RFX3: variants seen among roughly 807,000 people sequenced by gnomAD.
RFX3 encodes the protein transcription factor RFX3.
A neutral mutation model predicts 98.6 loss-of-function variants in RFX3; 14 were observed. The ratio of observed to expected loss-of-function variants is 0.14; its 90% CI spans 0.09 to 0.22. RFX3 has a LOEUF of 0.22. Ranked by LOEUF, RFX3 falls within the 10% of genes least tolerant of loss-of-function variation. The pLI is 1.00. For missense variants in RFX3, 639 were observed against 926.9 expected (o/e 0.69, Z 4.03); for synonymous variants, 383 against 328.4 (o/e 1.17, Z -1.80).
intron 1 of RFX3, chr9:3,524,733 T>C (rs1819049942): frequency 7.0e-6 from 3 of 427,716 alleles, no homozygotes; most frequent in Non-Finnish European, 9.4e-6. Flanking sequence ...GGAACCTCAC[T>C]ACTCCCCCTC....
intron 4 of RFX3, among the ~76,000 whole-genome samples, chr9:3,327,044 TACAGATAGGC>T (rs1476308397): frequency 1.3e-5 from 2 of 152,124 alleles, no homozygotes; most frequent in African/African-American, 4.8e-5. Flanking sequence ...ACTTATATGG[TACAGATAGGC>T]TCAATGTTTG....
intron 1 of RFX3, among the ~76,000 whole-genome samples, chr9:3,457,385 A>C (rs1485740777): frequency 6.6e-6 from 1 of 152,126 alleles, no homozygotes; most frequent in African/African-American, 2.4e-5. Flanking sequence ...AGAGCAAAAA[A>C]GTGCTTTCTC....
At chr9:3,288,752 A>T (rs558287584) in intron 6 of RFX3, among the ~76,000 whole-genome samples, 1 of 152,308 alleles carries the variant, frequency 6.6e-6, no homozygotes, top group South Asian at 2.1e-4. Context: ...GTGATGATGA[A>T]GTAAGATAAC....
chr9:3,333,904 C>G (rs1056501797), intron 3 of RFX3, among the ~76,000 whole-genome samples: 12 of 152,084 alleles, frequency 7.9e-5, no homozygotes, highest in African/African-American at 2.9e-4. Flanking sequence ...ATTCTATGTG[C>G]TTTTTAGGCA....
At chr9:3,445,683 C>T (rs1845984210) in intron 1 of RFX3, among the ~76,000 whole-genome samples, 1 of 152,056 alleles carries the variant, frequency 6.6e-6, no homozygotes, top group Non-Finnish European at 1.5e-5. Flanking sequence ...GGCTTTCGTG[C>T]CTTATAATTC....
chr9:3,395,600 A>G lies in RFX3; in HGVS notation c.-8-4T>C, dbSNP rs773046755. On this transcript the variant is annotated splice_region_variant and splice_polypyrimidine_tract_variant and intron_variant, in intron 1 of 16. Transcript: ENST00000617270. The stretch of plus-strand genomic sequence containing the variant: ...TCTGATGTCTGCATGATGGTCTCTG[A>G]AATAGATTAAAATGAAATTAAAGTT... 6.2e-7 allele frequency: 1 copy of G among 1,611,990 alleles called. No individual in the cohort carries two copies. The highest frequency in any genetic ancestry group is 2.2e-5 in the East Asian group (1 of 44,810).
At chr9:3,410,133 T>A (rs1842327686) in intron 1 of RFX3, among the ~76,000 whole-genome samples, 1 of 147,550 alleles carries the variant, frequency 6.8e-6, no homozygotes, top group South Asian at 2.2e-4. Flanking sequence ...TGTTTCAGGG[T>A]GTTTAACACG....
intron 15 of RFX3, chr9:3,247,116 A>T: frequency 1.0e-6 from 1 of 985,342 alleles, no homozygotes; most frequent in Non-Finnish European, 1.2e-6. Flanking sequence ...CGCCTTGGGT[A>T]ATTTGTCACA....
intron 2 of RFX3, among the ~76,000 whole-genome samples, chr9:3,359,469 C>G (rs1459505220): frequency 6.6e-6 from 1 of 151,992 alleles, no homozygotes; most frequent in South Asian, 2.1e-4. Context: ...TCAGTCAGGT[C>G]CAGGAAGAGA....
chr9:3,301,528 G>A lies in RFX3; in HGVS notation c.549+18C>T, dbSNP rs758616632. On this transcript the variant is annotated intron_variant, in intron 5 of 16. Coordinates refer to ENST00000617270, the MANE Select transcript of RFX3 (RefSeq NM_001282116.2). Reference sequence around the variant, plus strand: ...GAACAAGCAAGAGATTAGTGTACATGAAGAAGAGGCAACTTACATGGCTGT... The same window carrying A: ...GAACAAGCAAGAGATTAGTGTACATAAAGAAGAGGCAACTTACATGGCTGT... 39 of 1,569,046 alleles carry A rather than the reference G, an allele frequency of 2.5e-5. No individual in the cohort carries two copies. In the African/African-American group the frequency reaches 4.6e-4, roughly 18 times the overall value.
chr9:3,257,281 G>T, intron 13 of RFX3, 82 bp from the exon 14 acceptor site: 3 of 1,116,512 alleles, frequency 2.7e-6, no homozygotes, highest in South Asian at 1.4e-5. Flanking sequence ...CTAGATGCAA[G>T]AACAGAAAAT....
intron 2 of RFX3, among the ~76,000 whole-genome samples, chr9:3,371,658 C>T (rs1040075444): frequency 5.3e-5 from 8 of 151,972 alleles, no homozygotes; most frequent in Non-Finnish European, 1.0e-4. Flanking sequence ...GATGAAAAGA[C>T]GCTACAGGAA....
At chr9:3,414,697 TGA>T (rs1435069319) in intron 1 of RFX3, among the ~76,000 whole-genome samples, 2 of 87,174 alleles carry the variant, frequency 2.3e-5, no homozygotes, top group East Asian at 3.0e-4. Context: ...TATGTATATA[TGA>T]GTATATATGA....
At chr9:3,277,681 T>G (rs963448113) in intron 7 of RFX3, among the ~76,000 whole-genome samples, 3 of 151,944 alleles carry the variant, frequency 2.0e-5, no homozygotes, top group Admixed American at 2.0e-4. Flanking sequence ...GGGGACCCAT[T>G]TTTGGAAATC....
chr9:3,501,660 G>A (rs955503883), intron 1 of RFX3, among the ~76,000 whole-genome samples: 7 of 149,446 alleles, frequency 4.7e-5, no homozygotes, highest in Non-Finnish European at 1.0e-4. Flanking sequence ...AGGTTCAAGC[G>A]ATTCTCGTGC....
intron 1 of RFX3, among the ~76,000 whole-genome samples, chr9:3,501,994 G>A (rs1187482954): frequency 6.6e-6 from 1 of 151,920 alleles, no homozygotes. Flanking sequence ...GCTCACGCCT[G>A]TAATCCCAGC....
intron 1 of RFX3, among the ~76,000 whole-genome samples, chr9:3,474,568 G>T (rs547401340): frequency 4.6e-5 from 7 of 152,158 alleles, no homozygotes; most frequent in Admixed American, 3.3e-4. Context: ...AAAAGGTTTA[G>T]TATCACTGTC....
In RFX3 at chr9:3,366,693, C is replaced by CCTTTCTTTCTTTCTTTCTTTCCTTCTTT. The variant is rs1837145750; in HGVS notation, c.118-19930_118-19929insAAAGAAGGAAAGAAAGAAAGAAAGAAAG. Among the ~76,000 whole-genome samples, 4 of 85,490 alleles carry CCTTTCTTTCTTTCTTTCTTTCCTTCTTT rather than the reference C, an allele frequency of 4.7e-5. No individual in the cohort carries two copies. The South Asian group carries it at 2.0e-3, about 43-fold the overall frequency. 56.1% of individuals were successfully genotyped at this position (85,490 alleles called of 152,430 possible). The stretch of plus-strand genomic sequence containing the variant: ...CTTTCTCTTTCTTTCTTCTTTCTTT[C>CCTTTCTTTCTTTCTTTCTTTCCTTCTTT]CTTTCTTTCTTTCTTTCTTTCTTTC... On this transcript the variant is annotated intron_variant, in intron 2 of 16. Transcript: ENST00000617270.
chr9:3,326,643 T>C (rs1336596696), intron 4 of RFX3, among the ~76,000 whole-genome samples: 1 of 152,204 alleles, frequency 6.6e-6, no homozygotes, highest in African/African-American at 2.4e-5. Context: ...GCACCATCCA[T>C]GTTCCTGCAA....
Sources: gnomAD v4.1 joint callset for allele counts (sites outside exome capture counted in the v4.1 genomes callset) on GRCh38, gnomAD v4.1.1 for gene constraint, MANE v1.5 for transcripts, NCBI Gene and HGNC (gene_info 2026-07-23, HGNC 2026-07-21) for gene names.